Variants in DLG2 observed in about 807,000 individuals in gnomAD.
DLG2 encodes the protein discs large MAGUK scaffold protein 2.
In DLG2, 45 loss-of-function variants were observed where a neutral mutation model predicts 132.5. The observed-to-expected ratio is 0.34, with a 90% CI of 0.27 to 0.44. The LOEUF is 0.44. Ranked by LOEUF, DLG2 falls within the 20% of genes least tolerant of loss-of-function variation. The pLI is 1.00. For synonymous variants in DLG2, 424 were observed against 419.6 expected, an observed-to-expected ratio of 1.01 and a Z score of -0.13; for missense variants, 1,045 against 1,196.9, an observed-to-expected ratio of 0.87 and a Z score of 1.87.
chr11:84,150,319 A>G (rs1470166105), intron 9 of DLG2, among the ~76,000 whole-genome samples: 1 of 152,082 alleles, frequency 6.6e-6, no homozygotes. Context: ...TTTTGTGGCT[A>G]CTACTGTATC....
At chr11:84,832,538 G>A (rs544966630) in intron 6 of DLG2, among the ~76,000 whole-genome samples, 1 of 151,656 alleles carries the variant, frequency 6.6e-6, no homozygotes, top group East Asian at 2.0e-4. Flanking sequence ...CATGATTTCA[G>A]CAAAGGAAGG....
At chr11:85,416,206 C>T (rs553652478) in intron 3 of DLG2, among the ~76,000 whole-genome samples, 120 of 151,626 alleles carry the variant, frequency 7.9e-4, no homozygotes, top group African/African-American at 2.8e-3. Flanking sequence ...ATTTCTGAGG[C>T]TTCTGTTCTG....
At chr11:83,485,754 T>C (rs1490706685) in intron 21 of DLG2, among the ~76,000 whole-genome samples, 3 of 152,160 alleles carry the variant, frequency 2.0e-5, no homozygotes, top group Non-Finnish European at 4.4e-5. Flanking sequence ...AAATAACTTA[T>C]CTTCTTTGTA....
At chr11:85,275,748 C>T (rs2077850306) in intron 4 of DLG2, among the ~76,000 whole-genome samples, 1 of 152,082 alleles carries the variant, frequency 6.6e-6, no homozygotes, top group Non-Finnish European at 1.5e-5. Flanking sequence ...ATTCAATGAA[C>T]ATTTACTGGG....
intron 7 of DLG2, among the ~76,000 whole-genome samples, chr11:84,332,583 T>C: frequency 7.4e-6 from 1 of 134,502 alleles, no homozygotes; most frequent in Non-Finnish European, 1.5e-5. Context: ...CAATCTCGGC[T>C]CACTGTAACC....
At chr11:85,465,196 G>C (rs2092746213) in intron 3 of DLG2, among the ~76,000 whole-genome samples, 1 of 134,370 alleles carries the variant, frequency 7.4e-6, no homozygotes, top group Admixed American at 8.1e-5. Flanking sequence ...AGGGTTAATT[G>C]TCGTGGCACA....
chr11:84,805,272 C>T (rs1363000223), intron 6 of DLG2, among the ~76,000 whole-genome samples: 1 of 152,116 alleles, frequency 6.6e-6, no homozygotes, highest in African/African-American at 2.4e-5. Context: ...GGAATTTTAT[C>T]CCCATTTGAC....
chr11:84,139,588 T>G (rs1377642364), intron 9 of DLG2, among the ~76,000 whole-genome samples: 2 of 152,128 alleles, frequency 1.3e-5, no homozygotes, highest in Admixed American at 6.6e-5. Flanking sequence ...TTTTTGGACT[T>G]ACTTAGTCGT....
At chr11:84,254,336 C>T (rs1233847495) in intron 7 of DLG2, among the ~76,000 whole-genome samples, 1 of 152,040 alleles carries the variant, frequency 6.6e-6, no homozygotes, top group Middle Eastern at 3.2e-3. Context: ...GTTTATGTTG[C>T]TATTTTTCAT....
chr11:83,747,982 T>C lies in DLG2; in HGVS notation c.1825+38708A>G, dbSNP rs552561055. Among the ~76,000 whole-genome samples, 74 of 152,298 alleles carry C rather than the reference T, an allele frequency of 4.9e-4. 1 individual carries two copies. The highest frequency in any genetic ancestry group is 1.6e-3 in the African/African-American group (68 of 41,564). On this transcript the variant is annotated intron_variant, in intron 18 of 27. Transcript: ENST00000376104. ...TAGCTCCACTGTGCTGTGGAGAAGA[T>C]TGAGGCACTTATAGAAATTAATAAC...
chr11:84,323,241 C>G (rs1229780532), intron 7 of DLG2, among the ~76,000 whole-genome samples: 1 of 152,112 alleles, frequency 6.6e-6, no homozygotes, highest in Non-Finnish European at 1.5e-5. Context: ...ATTCCACTTT[C>G]TATTTCTTTG....
chr11:84,707,778 T>A (rs2059934835), intron 6 of DLG2, among the ~76,000 whole-genome samples: 1 of 151,826 alleles, frequency 6.6e-6, no homozygotes, highest in South Asian at 2.1e-4. Flanking sequence ...GCTTTCAAGA[T>A]TTGACTAGGT....
chr11:84,804,892 C>A (rs1046832943), intron 6 of DLG2, among the ~76,000 whole-genome samples: 1 of 152,138 alleles, frequency 6.6e-6, no homozygotes, highest in Admixed American at 6.5e-5. Flanking sequence ...TTCATAGACA[C>A]TAGGCAGTAG....
intron 4 of DLG2, among the ~76,000 whole-genome samples, chr11:85,179,894 T>C (rs71482572): frequency 4.9e-4 from 75 of 152,088 alleles, no homozygotes; most frequent in Non-Finnish European, 8.5e-4. Flanking sequence ...AAGTTTATAC[T>C]ATTAGTGCAC....
intron 7 of DLG2, among the ~76,000 whole-genome samples, chr11:84,281,429 T>C (rs1013423721): frequency 6.6e-6 from 1 of 152,160 alleles, no homozygotes; most frequent in Admixed American, 6.5e-5. Context: ...ATAACTCTTT[T>C]TTTTTGTCTT....
intron 8 of DLG2, among the ~76,000 whole-genome samples, chr11:84,231,951 A>G (rs2097099321): frequency 6.6e-6 from 1 of 152,186 alleles, no homozygotes; most frequent in Non-Finnish European, 1.5e-5. Flanking sequence ...CATACACACC[A>G]GGACAGAAAG....
chr11:85,255,532 T>C (rs2076624495), intron 4 of DLG2, among the ~76,000 whole-genome samples: 1 of 152,238 alleles, frequency 6.6e-6, no homozygotes, highest in Non-Finnish European at 1.5e-5. Flanking sequence ...ATTATTCATT[T>C]AGAGGCACTT....
chr11:84,554,580 C>G (rs1592237577), intron 6 of DLG2, among the ~76,000 whole-genome samples: 1 of 152,180 alleles, frequency 6.6e-6, no homozygotes, highest in Admixed American at 6.5e-5. Context: ...AATCCCGTCT[C>G]TTCTAAATAT....
intron 3 of DLG2, among the ~76,000 whole-genome samples, chr11:85,593,111 A>T (rs17148242): frequency 7.9e-5 from 12 of 152,236 alleles, no homozygotes; most frequent in Middle Eastern, 3.4e-3. Context: ...CACCATAATG[A>T]TAATTGTGAG....
Sources: allele counts gnomAD v4.1 joint callset (sites outside exome capture counted in the v4.1 genomes callset), GRCh38; gene constraint gnomAD v4.1.1; transcripts MANE v1.5; gene names NCBI Gene and HGNC (gene_info 2026-07-23, HGNC 2026-07-21).